SPOPL: variants seen among roughly 807,000 people sequenced by gnomAD.
SPOPL encodes the protein speckle-type POZ protein-like.
Under a neutral mutation model 53.8 loss-of-function variants are expected in SPOPL, and 23 were observed. The ratio of observed to expected loss-of-function variants is 0.43; its 90% CI spans 0.31 to 0.61. The LOEUF is 0.61. SPOPL is among the 20% of genes least tolerant of loss of function. The probability of loss-of-function intolerance (pLI) is 0.12; values close to 1 mark genes in which losing one functional copy is unlikely to be tolerated. For synonymous variants in SPOPL, 164 were observed against 149.7 expected, an observed-to-expected ratio of 1.10 and a Z score of -0.70; for missense variants, 442 against 466.9, an observed-to-expected ratio of 0.95 and a Z score of 0.49.
At position 138,559,197 on chromosome 2, in the gene SPOPL, C is replaced by T. The variant is rs1558879814; in HGVS notation, c.656C>T (p.Ala219Val). ...TTTAAAGCTCATAAATCTGTGCTTG[C>T]AGGTACTTTCTAGTTATGGGGTAAT... ...QEFKAHKSVL[A>V]ARSPVFNAMF... Residue 219 changes from alanine to valine, a missense_variant and splice_region_variant, in exon 6 of 11, where the codon GCA becomes GTA. Ala to Val is a moderately conservative substitution (Grantham distance 64, BLOSUM62 0). Transcript: ENST00000280098. 6.2e-7 allele frequency: 1 copy of T among 1,612,816 alleles called. No individual in the cohort carries two copies. The highest frequency in any genetic ancestry group is 8.5e-7 in the Non-Finnish European group (1 of 1,179,552).
chr2:138,540,690 A>C (rs1685051323), intron 1 of SPOPL, among the ~76,000 whole-genome samples: 3 of 152,226 alleles, frequency 2.0e-5, no homozygotes, highest in Non-Finnish European at 4.4e-5. Flanking sequence ...ATCTGCAAAC[A>C]GGGACAATTT....
At chr2:138,505,263 T>C (rs937415395) in intron 1 of SPOPL, among the ~76,000 whole-genome samples, 1 of 152,228 alleles carries the variant, frequency 6.6e-6, no homozygotes, top group Non-Finnish European at 1.5e-5. Flanking sequence ...AAAAGTCTTA[T>C]GTCAAGCCTT....
At chr2:138,559,459 C>A in intron 7 of SPOPL, 122 bp downstream of exon 7, 7 of 983,806 alleles carry the variant, frequency 7.1e-6, no homozygotes, top group African/African-American at 1.7e-5. Flanking sequence ...AAAATTTTTA[C>A]AAACAGGAAA....
Position 138,572,571 on chromosome 2 carries a change from G to A in SPOPL, c.*3491G>A, listed in dbSNP as rs1023859562. The A allele has an allele frequency of 6.6e-6, 1 of 152,482 alleles. No individual in the cohort carries two copies. The highest frequency in any genetic ancestry group is 1.5e-5 in the Non-Finnish European group (1 of 67,986). The allele number at this position is 152,482 out of a possible 1,614,324, so 9.4% of individuals were successfully genotyped here. On this transcript the variant is annotated 3_prime_UTR_variant, in exon 11 of 11. Coordinates refer to ENST00000280098, the MANE Select transcript of SPOPL (RefSeq NM_001001664.3). ...TTGAAGAGGTGAATTATTCTGACTT[G>A]GACATGCATGCTCTTTGATGGATAA...
intron 1 of SPOPL, among the ~76,000 whole-genome samples, chr2:138,513,526 G>A (rs1684373773): frequency 6.6e-6 from 1 of 152,072 alleles, no homozygotes. Flanking sequence ...CTCCAGTGTA[G>A]GCGACAGAGT....
chr2:138,567,371 TAG>T (rs1491155505), intron 10 of SPOPL, among the ~76,000 whole-genome samples: 2 of 109,492 alleles, frequency 1.8e-5, no homozygotes, highest in African/African-American at 3.4e-5. Flanking sequence ...AAGAGCAGTA[TAG>T]TGTGTGTGTG....
intron 2 of SPOPL, 39 bp downstream of exon 2, chr2:138,550,333 T>C (rs1558876024): frequency 3.1e-6 from 5 of 1,610,044 alleles, no homozygotes; most frequent in Admixed American, 1.7e-5. Context: ...ATGTCACTTA[T>C]AAATTTTACA....
chr2:138,565,474 C>T (rs1290256643), intron 10 of SPOPL, among the ~76,000 whole-genome samples: 1 of 152,172 alleles, frequency 6.6e-6, no homozygotes, highest in Non-Finnish European at 1.5e-5. Flanking sequence ...TTGATATTCC[C>T]TTTTCCCTAG....
At chr2:138,554,848 A>C (rs192002368) in intron 5 of SPOPL, among the ~76,000 whole-genome samples, 1 of 152,226 alleles carries the variant, frequency 6.6e-6, no homozygotes, top group Non-Finnish European at 1.5e-5. Flanking sequence ...AGGTTTAACT[A>C]GCTCCTTTTT....
Position 138,571,052 on chromosome 2 carries a change from A to G in SPOPL, c.*1972A>G. The G allele has an allele frequency of 6.6e-6, 1 of 152,144 alleles. No homozygotes were observed. The highest frequency in any genetic ancestry group is 1.9e-4 in the East Asian group (1 of 5,194). The allele number at this position is 152,144 out of a possible 1,614,324, so 9.4% of individuals were successfully genotyped here. A position where few individuals can be genotyped will look rare whatever the true frequency, so the allele number is the denominator to read the frequency against. ...GGGAAGTAGAAATTCACTTCCTTAAATCCATCGTAAGATTGAGCCTCAAGT... is the reference window on the plus strand; with the variant it reads ...GGGAAGTAGAAATTCACTTCCTTAAGTCCATCGTAAGATTGAGCCTCAAGT... On this transcript the variant is annotated 3_prime_UTR_variant, in exon 11 of 11. Transcript: ENST00000280098.
chr2:138,544,412 C>G (rs1685144710), intron 1 of SPOPL, among the ~76,000 whole-genome samples: 1 of 152,228 alleles, frequency 6.6e-6, no homozygotes, highest in Non-Finnish European at 1.5e-5. Context: ...CTTTGTTTAG[C>G]TACTCAAGCC....
intron 1 of SPOPL, among the ~76,000 whole-genome samples, chr2:138,543,714 T>C (rs1685126692): frequency 6.6e-6 from 1 of 152,198 alleles, no homozygotes; most frequent in African/African-American, 2.4e-5. Context: ...TTTGATCGTC[T>C]GAAGCCTTCT....
chr2:138,535,899 T>TATC, intron 1 of SPOPL, among the ~76,000 whole-genome samples: 1 of 152,160 alleles, frequency 6.6e-6, no homozygotes, highest in East Asian at 1.9e-4. Flanking sequence ...TATTTGTTCA[T>TATC]ATCTACTGTT....
At chr2:138,544,186 C>G (rs965598782) in intron 1 of SPOPL, among the ~76,000 whole-genome samples, 1 of 152,328 alleles carries the variant, frequency 6.6e-6, no homozygotes, top group East Asian at 1.9e-4. Flanking sequence ...GGTCAGGGAC[C>G]CACTTGAGGT....
chr2:138,554,189 T>G (rs994838037), intron 5 of SPOPL, among the ~76,000 whole-genome samples: 14 of 151,940 alleles, frequency 9.2e-5, no homozygotes, highest in Non-Finnish European at 1.9e-4. Context: ...ATTTTTTTTT[T>G]GTATGCTTGG....
intron 5 of SPOPL, chr2:138,554,645 T>C (rs775302043): frequency 3.0e-4 from 128 of 427,880 alleles, no homozygotes; most frequent in Non-Finnish European, 4.1e-4. Context: ...TGTAAGCAGC[T>C]CTGCCCTCTT....
At chr2:138,505,594 TAAAAAAAAAAAAAA>T (rs1169614974) in intron 1 of SPOPL, among the ~76,000 whole-genome samples, 2 of 75,086 alleles carry the variant, frequency 2.7e-5, no homozygotes, top group African/African-American at 1.4e-4. Context: ...GTGTCTCTTC[TAAAAAAAAAAAAAA>T]AAAAAAAAAA....
At chr2:138,508,711 A>G (rs1684265650) in intron 1 of SPOPL, among the ~76,000 whole-genome samples, 1 of 152,166 alleles carries the variant, frequency 6.6e-6, no homozygotes, top group Admixed American at 6.5e-5. Context: ...GACGGGTCTC[A>G]CTGTCTTTCC....
chr2:138,569,829 C>G lies in SPOPL; in HGVS notation c.*749C>G, dbSNP rs1043129382. The G allele has an allele frequency of 6.6e-6, 1 of 152,394 alleles. No homozygotes were observed. Among genetic ancestry groups the G allele is most frequent in the Non-Finnish European group, 1.5e-5 (1 of 68,012 alleles). The allele number at this position is 152,394 out of a possible 1,614,324, so 9.4% of individuals were successfully genotyped here. A position where few individuals can be genotyped will look rare whatever the true frequency, so the allele number is the denominator to read the frequency against. Reference sequence around the variant, plus strand: ...TAATTTTTTTTTAATTTATACTGACCTACATTTATACGAAGAATTCTGTAC... The same window carrying G: ...TAATTTTTTTTTAATTTATACTGACGTACATTTATACGAAGAATTCTGTAC... On this transcript the variant is annotated 3_prime_UTR_variant, in exon 11 of 11. Transcript: ENST00000280098.
Sources: gnomAD v4.1 joint callset for allele counts (sites outside exome capture counted in the v4.1 genomes callset) on GRCh38, gnomAD v4.1.1 for gene constraint, MANE v1.5 for transcripts, NCBI Gene and HGNC (gene_info 2026-07-23, HGNC 2026-07-21) for gene names.